FSTL5: variants seen among roughly 807,000 people sequenced by gnomAD.
FSTL5 encodes follistatin like 5, also known as follistatin-related protein 5.
Under a neutral mutation model 89.1 loss-of-function variants are expected in FSTL5, and 62 were observed. The ratio of observed to expected loss-of-function variants is 0.70; its 90% CI spans 0.57 to 0.86. The LOEUF is 0.86. Among genes scored for constraint, FSTL5 ranks in the 40% least tolerant of loss-of-function variants. The pLI is 0.00. For synonymous variants in FSTL5, 383 were observed against 346.2 expected (o/e 1.11, Z -1.18); for missense variants, 1,057 against 1,001.6 (o/e 1.06, Z -0.75).
intron 4 of FSTL5, among the ~76,000 whole-genome samples, chr4:161,798,229 T>C (rs1265010320): frequency 2.6e-5 from 4 of 151,718 alleles, no homozygotes; most frequent in Admixed American, 6.6e-5. Context: ...TCTATGCTAC[T>C]TTCCAGCTTG....
chr4:161,794,505 A>C (rs1729571280), intron 4 of FSTL5, among the ~76,000 whole-genome samples: 1 of 152,190 alleles, frequency 6.6e-6, no homozygotes, highest in Admixed American at 6.5e-5. Flanking sequence ...GAGCTGAAGA[A>C]AAATATGCTT....
chr4:161,665,617 C>T (rs1736867083), intron 6 of FSTL5, among the ~76,000 whole-genome samples: 1 of 152,038 alleles, frequency 6.6e-6, no homozygotes, highest in African/African-American at 2.4e-5. Flanking sequence ...CTGATTTCAT[C>T]AGCAAAAGTA....
intron 8 of FSTL5, among the ~76,000 whole-genome samples, chr4:161,563,353 AT>A (rs1251924887): frequency 6.6e-6 from 1 of 151,810 alleles, no homozygotes; most frequent in African/African-American, 2.4e-5. Flanking sequence ...TTCTATTGCT[AT>A]TTTTTTAGAA....
chr4:161,756,986 T>C (rs1351015637), intron 6 of FSTL5, among the ~76,000 whole-genome samples: 3 of 152,098 alleles, frequency 2.0e-5, no homozygotes, highest in East Asian at 3.9e-4. Flanking sequence ...GAGATGGAGG[T>C]AGTGGTTAGG....
chr4:161,860,725 C>T (rs949143173), intron 4 of FSTL5, among the ~76,000 whole-genome samples: 2 of 152,206 alleles, frequency 1.3e-5, no homozygotes, highest in African/African-American at 2.4e-5. Flanking sequence ...TTTTTATAGA[C>T]CATCTCATAA....
intron 4 of FSTL5, among the ~76,000 whole-genome samples, chr4:161,882,666 C>A (rs1328584949): frequency 6.6e-6 from 1 of 151,882 alleles, no homozygotes; most frequent in South Asian, 2.1e-4. Context: ...AGAGTATGTT[C>A]CATTTAAATG....
intron 8 of FSTL5, among the ~76,000 whole-genome samples, chr4:161,551,517 C>T (rs560624151): frequency 3.2e-4 from 48 of 151,944 alleles, no homozygotes; most frequent in African/African-American, 1.1e-3. Flanking sequence ...AAAAAGAGCC[C>T]GCATTGCCAA....
chr4:161,489,421 T>C (rs1022870119), intron 12 of FSTL5, among the ~76,000 whole-genome samples: 6 of 152,134 alleles, frequency 3.9e-5, no homozygotes, highest in African/African-American at 1.2e-4. Flanking sequence ...AAAAAGGTGT[T>C]GGAATTGAAA....
intron 8 of FSTL5, among the ~76,000 whole-genome samples, chr4:161,573,499 G>A (rs577552694): frequency 6.3e-4 from 95 of 150,842 alleles, no homozygotes; most frequent in African/African-American, 2.1e-3. Flanking sequence ...AGCACTTTGG[G>A]AGGCCGAGGG....
chr4:161,464,774 C>T (rs1419514087), intron 13 of FSTL5, among the ~76,000 whole-genome samples: 1 of 151,972 alleles, frequency 6.6e-6, no homozygotes, highest in Non-Finnish European at 1.5e-5. Context: ...TTATTAAGAT[C>T]ATGATCATTA....
At chr4:161,492,332 A>C (rs1729908727) in intron 12 of FSTL5, among the ~76,000 whole-genome samples, 1 of 152,186 alleles carries the variant, frequency 6.6e-6, no homozygotes, top group South Asian at 2.1e-4. Flanking sequence ...AGTCAATATT[A>C]AATGGGTCAA....
chr4:161,830,636 G>A (rs1730814869), intron 4 of FSTL5, among the ~76,000 whole-genome samples: 2 of 151,892 alleles, frequency 1.3e-5, no homozygotes, highest in Admixed American at 6.6e-5. Context: ...AACTGAACAT[G>A]CTTTTGTCTG....
chr4:161,429,136 G>A (rs1732265895), intron 15 of FSTL5, among the ~76,000 whole-genome samples: 1 of 152,068 alleles, frequency 6.6e-6, no homozygotes, highest in South Asian at 2.1e-4. Context: ...AAATGGGAGG[G>A]AAGACTGGGA....
Position 161,529,875 on chromosome 4 carries a change from T to A in FSTL5, c.1312+8291A>T, listed in dbSNP as rs563532911. On this transcript the variant is annotated intron_variant, in intron 10 of 15. Coordinates refer to ENST00000306100, the MANE Select transcript of FSTL5 (RefSeq NM_020116.5). The stretch of plus-strand genomic sequence containing the variant: ...AAAACAAAACAATTATTAATCTGAT[T>A]ACTGCTGCACCTAATATTGGTTGAG... Among the ~76,000 whole-genome samples, 41 of 142,904 alleles carry A rather than the reference T, an allele frequency of 2.9e-4. 6 individuals carry two copies. Among genetic ancestry groups the A allele is most frequent in the African/African-American group, 1.0e-3 (41 of 40,156 alleles). The allele number at this position is 142,904 out of a possible 152,430, so 93.8% of individuals were successfully genotyped here.
intron 2 of FSTL5, among the ~76,000 whole-genome samples, chr4:162,109,584 T>A (rs2111403323): frequency 6.6e-6 from 1 of 152,232 alleles, no homozygotes; most frequent in East Asian, 1.9e-4. Flanking sequence ...GTGTTATTTC[T>A]TTAAAGCTTT....
rs143657324 is a variant in FSTL5 at position 161,650,936 on chromosome 4, C to T, written c.894+5392G>A. Reference sequence around the variant, plus strand: ...AAGCAAAACAAATTCTGCTATGCAACTCCTTCCTGACAACTTTCTCGGTCA... The same window carrying T: ...AAGCAAAACAAATTCTGCTATGCAATTCCTTCCTGACAACTTTCTCGGTCA... On this transcript the variant is annotated intron_variant, in intron 7 of 15. Coordinates refer to ENST00000306100, the MANE Select transcript of FSTL5 (RefSeq NM_020116.5). 6.3e-3 allele frequency among the ~76,000 whole-genome samples: 964 copies of T among 152,274 alleles called. 10 individuals carry two copies. The highest frequency in any genetic ancestry group is 0.045 in the South Asian group (219 of 4,824).
At chr4:162,157,414 T>C (rs943436359) in intron 1 of FSTL5, among the ~76,000 whole-genome samples, 5 of 152,068 alleles carry the variant, frequency 3.3e-5, no homozygotes, top group Non-Finnish European at 5.9e-5. Context: ...AGCAGACCTT[T>C]GTAAATACAT....
intron 15 of FSTL5, among the ~76,000 whole-genome samples, chr4:161,410,264 C>A (rs1433728972): frequency 6.6e-6 from 1 of 152,124 alleles, no homozygotes; most frequent in Non-Finnish European, 1.5e-5. Context: ...ACTTAGCCAA[C>A]CACATGATAA....
intron 6 of FSTL5, among the ~76,000 whole-genome samples, chr4:161,716,401 AG>A (rs368073502): frequency 6.7e-4 from 102 of 152,262 alleles, no homozygotes; most frequent in African/African-American, 2.0e-3. Flanking sequence ...GTTCGAGAAC[AG>A]CCTGGCCAAC....
Sources: gnomAD v4.1 joint callset for allele counts (sites outside exome capture counted in the v4.1 genomes callset) on GRCh38, gnomAD v4.1.1 for gene constraint, MANE v1.5 for transcripts, NCBI Gene and HGNC (gene_info 2026-07-23, HGNC 2026-07-21) for gene names.